The following MAP2K4 variants were observed in gnomAD, a reference collection of about 807,000 sequenced individuals.
MAP2K4 encodes mitogen-activated protein kinase kinase 4, also known as dual specificity mitogen-activated protein kinase kinase 4.
In MAP2K4, 4 loss-of-function variants were observed where a neutral mutation model predicts 48.5. That is an observed-to-expected ratio of 0.08 (90% confidence interval 0.04 to 0.19). The LOEUF (loss-of-function observed/expected upper bound fraction) is 0.19. MAP2K4 is among the 10% of genes least tolerant of loss of function. MAP2K4 has a pLI of 1.00. For synonymous variants in MAP2K4, 166 were observed against 173.1 expected (o/e 0.96, Z 0.32); for missense variants, 258 against 493.3 (o/e 0.52, Z 4.52).
At chr17:12,039,842 T>C (rs1969720890) in intron 1 of MAP2K4, among the ~76,000 whole-genome samples, 1 of 152,218 alleles carries the variant, frequency 6.6e-6, no homozygotes, top group African/African-American at 2.4e-5. Context: ...TTTTTTTGTT[T>C]AAAAAATTGG....
At chr17:12,092,206 T>G (rs1971585636) in intron 3 of MAP2K4, among the ~76,000 whole-genome samples, 1 of 152,172 alleles carries the variant, frequency 6.6e-6, no homozygotes, top group African/African-American at 2.4e-5. Context: ...ACTTTTAAAT[T>G]TATATAAATA....
chr17:12,051,317 A>G (rs895896742), intron 1 of MAP2K4, among the ~76,000 whole-genome samples: 2 of 152,188 alleles, frequency 1.3e-5, no homozygotes, highest in Admixed American at 1.3e-4. Flanking sequence ...CCAGCCAATA[A>G]CCATATAGGC....
intron 1 of MAP2K4, among the ~76,000 whole-genome samples, chr17:12,037,502 C>T (rs1482197528): frequency 1.3e-5 from 2 of 152,054 alleles, no homozygotes; most frequent in African/African-American, 2.4e-5. Flanking sequence ...TTTTATGTAG[C>T]AAAAGTCTGC....
At chr17:12,113,409 G>T in intron 7 of MAP2K4, 49 bp downstream of exon 7, 2 of 1,592,006 alleles carry the variant, frequency 1.3e-6, no homozygotes, top group Middle Eastern at 1.7e-4. Context: ...TGCACAGAGA[G>T]CCTGTGCTCT....
At chr17:12,124,043 G>C (rs1484741698) in intron 7 of MAP2K4, among the ~76,000 whole-genome samples, 1 of 150,980 alleles carries the variant, frequency 6.6e-6, no homozygotes, top group Non-Finnish European at 1.5e-5. Context: ...GGATTTTAAT[G>C]TGTACCTTAT....
chr17:12,071,180 T>A (rs1359655908), intron 2 of MAP2K4, among the ~76,000 whole-genome samples: 1 of 152,226 alleles, frequency 6.6e-6, no homozygotes, highest in Non-Finnish European at 1.5e-5. Flanking sequence ...TTTGAGATCT[T>A]TAATTTTATC....
At chr17:12,136,524 C>T (rs1407364610) in intron 9 of MAP2K4, among the ~76,000 whole-genome samples, 20 of 152,180 alleles carry the variant, frequency 1.3e-4, no homozygotes, top group Admixed American at 1.3e-3. Context: ...AGTGTGGTAG[C>T]TGCTGGCATT....
At chr17:12,078,777 T>C (rs1244715282) in intron 2 of MAP2K4, among the ~76,000 whole-genome samples, 1 of 152,162 alleles carries the variant, frequency 6.6e-6, no homozygotes, top group Non-Finnish European at 1.5e-5. Context: ...ATTGATTGAC[T>C]CCAGAGTTTA....
At chr17:12,099,985 C>G (rs373473103) in intron 4 of MAP2K4, among the ~76,000 whole-genome samples, 8 of 152,150 alleles carry the variant, frequency 5.3e-5, no homozygotes, top group East Asian at 3.9e-4. Context: ...AGCAAGTTAC[C>G]TCCCCCTTTT....
rs1361335563 is a variant in MAP2K4 at position 12,113,310 on chromosome 17, G to T, written c.763G>T (p.Val255Leu). The T allele has an allele frequency of 6.2e-7, 1 of 1,613,828 alleles. No individual in the cohort carries two copies. Among genetic ancestry groups the T allele is most frequent in the Non-Finnish European group, 8.5e-7 (1 of 1,179,778 alleles). The part of the protein sequence containing the change: ...LCDFGISGQL[V>L]DSIAKTRDAG... ...TGACTTCGGCATCAGTGGACAGCTT[G>T]TGGACTCTATTGCCAAGACAAGAGA... The change falls in exon 7 of 11, where the codon GTG (valine) becomes TTG (leucine). Residue 255 changes from valine to leucine, a missense_variant. Transcript: ENST00000353533.
chr17:12,061,815 A>G (rs1398221249), intron 2 of MAP2K4, among the ~76,000 whole-genome samples: 2 of 152,086 alleles, frequency 1.3e-5, no homozygotes, highest in Non-Finnish European at 2.9e-5. Context: ...AAGGCCTTTT[A>G]TCTTTGCAGT....
chr17:12,110,486 ACGGTTATTG>A, intron 6 of MAP2K4, 60 bp downstream of exon 6: 1 of 1,202,986 alleles, frequency 8.3e-7, no homozygotes, highest in Non-Finnish European at 1.2e-6. Context: ...AATTGGTGAA[ACGGTTATTG>A]AAAATTACAG....
chr17:12,105,778 A>T (rs1972090572), intron 4 of MAP2K4, among the ~76,000 whole-genome samples: 1 of 151,266 alleles, frequency 6.6e-6, no homozygotes, highest in African/African-American at 2.4e-5. Flanking sequence ...AATCACAAAG[A>T]CCTCTCTATC....
At chr17:12,104,136 G>A (rs1169612829) in intron 4 of MAP2K4, among the ~76,000 whole-genome samples, 2 of 152,140 alleles carry the variant, frequency 1.3e-5, no homozygotes. Flanking sequence ...TTTGGTATCA[G>A]CCATTCCTGA....
intron 1 of MAP2K4, chr17:12,021,459 C>T (rs1367030560): frequency 2.0e-5 from 3 of 152,018 alleles, no homozygotes; most frequent in Admixed American, 1.3e-4. Flanking sequence ...GGCCGGCGCC[C>T]CTCGGCCCCG....
chr17:12,083,768 C>A (rs1412904382), intron 3 of MAP2K4, among the ~76,000 whole-genome samples: 4 of 152,148 alleles, frequency 2.6e-5, no homozygotes, highest in Non-Finnish European at 5.9e-5. Context: ...TGAGAGAGTT[C>A]ATTCATTCCT....
chr17:12,035,976 ATGTG>A (rs199762097), intron 1 of MAP2K4, among the ~76,000 whole-genome samples: 2 of 151,508 alleles, frequency 1.3e-5, no homozygotes, highest in African/African-American at 4.8e-5. Context: ...TTTATTGGAG[ATGTG>A]TGTGTGTGTG....
At chr17:12,127,477 A>G (rs1236694536) in intron 8 of MAP2K4, among the ~76,000 whole-genome samples, 1 of 152,204 alleles carries the variant, frequency 6.6e-6, no homozygotes. Context: ...ATTTTGTGAA[A>G]GGTTTTAACA....
At position 12,037,150 on chromosome 17, in the gene MAP2K4, C is replaced by T. The variant is rs917998017; in HGVS notation, c.115+16149C>T. On this transcript the variant is annotated intron_variant, in intron 1 of 10. Transcript: ENST00000353533. ...CGAATTGAAATTAGAGTACAGGTGGCGGTGGTTTTTGGTGGCACTGCACAT... is the reference window on the plus strand; with the variant it reads ...CGAATTGAAATTAGAGTACAGGTGGTGGTGGTTTTTGGTGGCACTGCACAT... Among the ~76,000 whole-genome samples the T allele has an allele frequency of 5.9e-5, 9 of 151,830 alleles. No individual in the cohort carries two copies. In the South Asian group the frequency reaches 1.0e-3, roughly 18 times the overall value.
Sources: allele counts gnomAD v4.1 joint callset (sites outside exome capture counted in the v4.1 genomes callset), GRCh38; gene constraint gnomAD v4.1.1; transcripts MANE v1.5; gene names NCBI Gene and HGNC (gene_info 2026-07-23, HGNC 2026-07-21).